The following SEMA6D variants were observed in gnomAD, a reference collection of about 807,000 sequenced individuals.
SEMA6D encodes the protein semaphorin-6D.
In SEMA6D, 35 loss-of-function variants were observed where a neutral mutation model predicts 106.6. That is an observed-to-expected ratio of 0.33 (90% CI 0.25 to 0.44). SEMA6D has a LOEUF of 0.44. Among genes scored for constraint, SEMA6D ranks in the 20% least tolerant of loss-of-function variants. The probability of loss-of-function intolerance (pLI) is 1.00; values close to 1 mark genes in which losing one functional copy is unlikely to be tolerated. For missense variants in SEMA6D, 1,185 were observed against 1,345.9 expected, an observed-to-expected ratio of 0.88 and a Z score of 1.87; for synonymous variants, 499 against 487.7, an observed-to-expected ratio of 1.02 and a Z score of -0.31.
intron 3 of SEMA6D, among the ~76,000 whole-genome samples, chr15:47,580,824 A>G (rs1274008325): frequency 6.6e-6 from 1 of 152,180 alleles, no homozygotes; most frequent in Non-Finnish European, 1.5e-5. Flanking sequence ...TTCCAGTGCA[A>G]CTTATTAGGG....
chr15:47,601,511 A>G (rs1226002107), intron 4 of SEMA6D, among the ~76,000 whole-genome samples: 1 of 152,174 alleles, frequency 6.6e-6, no homozygotes, highest in Non-Finnish European at 1.5e-5. Context: ...TGAATACAGG[A>G]ATAAGTTTTC....
intron 3 of SEMA6D, among the ~76,000 whole-genome samples, chr15:47,577,876 AT>A (rs111787103): frequency 0.17 from 26,329 of 152,178 alleles, 2,609 homozygotes; most frequent in African/African-American, 0.26. Context: ...GTGTAAAAAA[AT>A]GTCTTACTGA....
chr15:47,535,120 C>CA (rs1484581875), intron 3 of SEMA6D, among the ~76,000 whole-genome samples: 9 of 147,088 alleles, frequency 6.1e-5, no homozygotes, highest in Middle Eastern at 6.9e-3. Flanking sequence ...CAAAAAAACA[C>CA]AAAAAACAAC....
At chr15:47,619,403 G>A (rs779910954) in intron 4 of SEMA6D, among the ~76,000 whole-genome samples, 1 of 152,192 alleles carries the variant, frequency 6.6e-6, no homozygotes, top group African/African-American at 2.4e-5. Context: ...ATGACAAGTC[G>A]CACTTGGCCA....
At chr15:47,327,162 G>A (rs1274880606) in intron 1 of SEMA6D, among the ~76,000 whole-genome samples, 1 of 152,100 alleles carries the variant, frequency 6.6e-6, no homozygotes, top group Non-Finnish European at 1.5e-5. Flanking sequence ...TCGCTTACTA[G>A]GTAGGTGACC....
intron 1 of SEMA6D, among the ~76,000 whole-genome samples, chr15:47,385,492 C>T (rs888117423): frequency 1.3e-5 from 2 of 152,066 alleles, no homozygotes; most frequent in Non-Finnish European, 2.9e-5. Context: ...AAAAGCACCA[C>T]CTGGCCTCTG....
At chr15:47,516,504 A>C (rs183205701) in intron 3 of SEMA6D, among the ~76,000 whole-genome samples, 4 of 152,296 alleles carry the variant, frequency 2.6e-5, no homozygotes, top group African/African-American at 9.6e-5. Flanking sequence ...CTAATTTATT[A>C]TCTGATCAAT....
chr15:47,526,991 C>T (rs939392664), intron 3 of SEMA6D, among the ~76,000 whole-genome samples: 4 of 152,148 alleles, frequency 2.6e-5, no homozygotes, highest in Non-Finnish European at 5.9e-5. Flanking sequence ...CCCGCCTAAG[C>T]CTCCCAAAGT....
At chr15:47,504,294 T>G (rs918998) in intron 3 of SEMA6D, among the ~76,000 whole-genome samples, 70,589 of 151,954 alleles carry the variant, frequency 0.46, 17,884 homozygotes, top group East Asian at 0.82. Flanking sequence ...ATCTGAGGCT[T>G]GCTGGCTGCC....
chr15:47,214,071 A>C (rs946838295), intron 1 of SEMA6D, among the ~76,000 whole-genome samples: 1 of 152,172 alleles, frequency 6.6e-6, no homozygotes, highest in Non-Finnish European at 1.5e-5. Flanking sequence ...CATGTGTGTC[A>C]GCATGGAGAA....
chr15:47,566,348 G>T (rs2046228833), intron 3 of SEMA6D, among the ~76,000 whole-genome samples: 1 of 152,238 alleles, frequency 6.6e-6, no homozygotes, highest in Non-Finnish European at 1.5e-5. Flanking sequence ...TGAGTGGAGA[G>T]AGTAGGAGGC....
chr15:47,456,702 T>C (rs1342259591), intron 2 of SEMA6D, among the ~76,000 whole-genome samples: 3 of 151,950 alleles, frequency 2.0e-5, no homozygotes, highest in Non-Finnish European at 4.4e-5. Context: ...TAATATCTGA[T>C]AGAAGGGAAA....
chr15:47,692,854 T>C (rs2078619023), intron 4 of SEMA6D, among the ~76,000 whole-genome samples: 1 of 152,214 alleles, frequency 6.6e-6, no homozygotes. Flanking sequence ...TCTGTAATGA[T>C]AGGCTGAAAA....
Position 47,553,761 on chromosome 15 carries a change from A to G in SEMA6D, c.-86-47104A>G, listed in dbSNP as rs1412081910. On this transcript the variant is annotated intron_variant, in intron 3 of 19. Transcript: ENST00000558014. ...GATAAGAAGGCAAAAAAAAAAATTA[A>G]ATGTCTGTGAATTAGTGCATTACAT... Among the ~76,000 whole-genome samples, 3 of 152,288 alleles carry G rather than the reference A, an allele frequency of 2.0e-5. No homozygotes were observed. The East Asian group carries it at 5.8e-4, about 29-fold the overall frequency.
chr15:47,323,242 A>G (rs1566997867), intron 1 of SEMA6D, among the ~76,000 whole-genome samples: 2 of 152,144 alleles, frequency 1.3e-5, no homozygotes, highest in Non-Finnish European at 1.5e-5. Context: ...CACCACCCAC[A>G]GCTCGGCGAG....
chr15:47,773,575 C>G lies in SEMA6D; in HGVS notation c.*1790C>G, dbSNP rs2082723726. 6.6e-6 allele frequency: 1 copy of G among 152,238 alleles called. No individual in the cohort carries two copies. Among genetic ancestry groups the G allele is most frequent in the Admixed American group, 6.6e-5 (1 of 15,262 alleles). The allele number at this position is 152,238 out of a possible 1,614,324, so 9.4% of individuals were successfully genotyped here. Reference sequence around the variant, plus strand: ...TTGACAATACTGTTGGTACCTATTACTTGGGGGAGGACATGTTGCAGAAGA... The same window carrying G: ...TTGACAATACTGTTGGTACCTATTAGTTGGGGGAGGACATGTTGCAGAAGA... On this transcript the variant is annotated 3_prime_UTR_variant, in exon 19 of 19. Transcript: ENST00000536845.
chr15:47,714,764 A>C (rs2079080319), upstream of SEMA6D, among the ~76,000 whole-genome samples: 1 of 152,228 alleles, frequency 6.6e-6, no homozygotes, highest in South Asian at 2.1e-4. Flanking sequence ...AGGATGAATA[A>C]ATGGAGAAGG....
Position 47,770,984 on chromosome 15 carries a change from G to T in SEMA6D, c.2421G>T (p.Gln807His), listed in dbSNP as rs1267751787. 1 of 1,614,070 alleles carries T rather than the reference G, an allele frequency of 6.2e-7. No homozygotes were observed. Among genetic ancestry groups the T allele is most frequent in the Non-Finnish European group, 8.5e-7 (1 of 1,179,996 alleles). The change falls in exon 19 of 19, where the codon CAG becomes CAT. Residue 807 changes from glutamine to histidine, a missense_variant. Gln to His is a conservative substitution (Grantham distance 24, BLOSUM62 0). Around this residue, in one of 3 missense-constraint regions of SEMA6D, gnomAD observed 750 missense variants for 783.5 expected, o/e 0.96. Transcript: ENST00000536845. ...GHGASRKETP[Q>H]FFPSSPPPHS... is the part of the protein sequence containing the mutation. ...GAGCTTCAAGGAAAGAAACCCCTCA[G>T]TTTTTTCCGTCTAGTCCGCCACCTC... is the stretch of plus-strand genomic sequence containing the variant.
At chr15:47,734,315 C>A (rs1451617880) in intron 1 of SEMA6D, among the ~76,000 whole-genome samples, 1 of 152,180 alleles carries the variant, frequency 6.6e-6, no homozygotes, top group African/African-American at 2.4e-5. Context: ...GCCTTCAAAG[C>A]ATCAAAGTCC....
Sources: gnomAD v4.1 joint callset for allele counts (sites outside exome capture counted in the v4.1 genomes callset) on GRCh38, gnomAD v4.1.1 for gene constraint, gnomAD v4.1.1 regional missense constraint, MANE v1.5 for transcripts, NCBI Gene and HGNC (gene_info 2026-07-23, HGNC 2026-07-21) for gene names.